Variants in RYR3 observed in about 807,000 individuals in gnomAD.
The protein encoded by RYR3 is ryanodine receptor 3, also known as brain ryanodine receptor-calcium release channel.
In RYR3, 207 loss-of-function variants were observed where a neutral mutation model predicts 584.3. That is an observed-to-expected ratio of 0.35 (90% confidence interval 0.32 to 0.40). The LOEUF (loss-of-function observed/expected upper bound fraction) is 0.40. Among genes scored for constraint, RYR3 ranks in the 10% least tolerant of loss-of-function variants. The pLI is 1.00. For missense variants in RYR3, 5,616 were observed against 6,089.2 expected (o/e 0.92, Z 2.59); for synonymous variants, 2,416 against 2,248.5 (o/e 1.07, Z -2.11).
chr15:33,323,074 C>T (rs1001290826), intron 1 of RYR3, among the ~76,000 whole-genome samples: 2 of 151,502 alleles, frequency 1.3e-5, no homozygotes, highest in Admixed American at 1.3e-4. Flanking sequence ...GGCATATTTT[C>T]TCTTCCGTGC....
chr15:33,655,619 C>T (rs2062782823), intron 32 of RYR3, among the ~76,000 whole-genome samples: 1 of 152,064 alleles, frequency 6.6e-6, no homozygotes. Flanking sequence ...AGCCTTCCTC[C>T]ACCCTGTGCA....
Position 33,317,380 on chromosome 15 carries a change from G to C in RYR3, c.51+6284G>C, listed in dbSNP as rs149406484. 7.5e-4 allele frequency among the ~76,000 whole-genome samples: 115 copies of C among 152,336 alleles called. 1 individual carries two copies. The highest frequency in any genetic ancestry group is 3.4e-3 in the Middle Eastern group (1 of 294). On this transcript the variant is annotated intron_variant, in intron 1 of 103. Coordinates refer to ENST00000634891, the MANE Select transcript of RYR3 (RefSeq NM_001036.6). Reference sequence around the variant, plus strand: ...GCTTCTAGGGTGGAGAGCCCAGCCAGTGGTGAGGCTGTAGGGCCACAGTTC... The same window carrying C: ...GCTTCTAGGGTGGAGAGCCCAGCCACTGGTGAGGCTGTAGGGCCACAGTTC...
chr15:33,816,856 G>A lies in RYR3; in HGVS notation c.10503-6G>A, dbSNP rs183717988. On this transcript the variant is annotated splice_polypyrimidine_tract_variant and splice_region_variant and intron_variant, in intron 74 of 103. Transcript: ENST00000634891. ...TCTTGACCTCCCTCTCACCCCTTCC[G>A]CTCAGGCACCGCTCTATTAACCTCT... is the stretch of plus-strand genomic sequence containing the variant. 1.2e-4 allele frequency: 187 copies of A among 1,604,266 alleles called. 1 individual carries two copies. Among genetic ancestry groups the A allele is most frequent in the East Asian group, 6.0e-4 (27 of 44,746 alleles).
chr15:33,578,577 G>A (rs2058420015), intron 12 of RYR3, among the ~76,000 whole-genome samples: 1 of 152,028 alleles, frequency 6.6e-6, no homozygotes, highest in African/African-American at 2.4e-5. Flanking sequence ...TGGACACAGG[G>A]AGGGGAACAA....
chr15:33,352,536 A>G (rs145518522), intron 1 of RYR3, among the ~76,000 whole-genome samples: 1 of 152,258 alleles, frequency 6.6e-6, no homozygotes, highest in Admixed American at 6.5e-5. Context: ...GATAGAAGCA[A>G]TGAGGAGGTG....
intron 12 of RYR3, among the ~76,000 whole-genome samples, 162 bp from the exon 13 acceptor site, chr15:33,579,814 G>A (rs748275347): frequency 6.6e-6 from 1 of 152,160 alleles, no homozygotes; most frequent in Non-Finnish European, 1.5e-5. Flanking sequence ...CTGTTGCTCT[G>A]ATATCTGGGA....
chr15:33,500,021 C>T (rs549651293), intron 2 of RYR3, among the ~76,000 whole-genome samples: 1 of 152,290 alleles, frequency 6.6e-6, no homozygotes, highest in South Asian at 2.1e-4. Context: ...CCATAATCAG[C>T]ACCACACTCC....
intron 102 of RYR3, 107 bp from the exon 103 acceptor site, chr15:33,864,031 G>C (rs1259371093): frequency 5.5e-6 from 4 of 729,304 alleles, no homozygotes; most frequent in East Asian, 5.4e-5. Flanking sequence ...AGTCACTGTA[G>C]ATAGCGTGGG....
intron 64 of RYR3, among the ~76,000 whole-genome samples, chr15:33,775,057 A>G (rs964224137): frequency 2.6e-5 from 4 of 151,804 alleles, no homozygotes; most frequent in Non-Finnish European, 4.4e-5. Context: ...CAAAAAGTCA[A>G]CTCTGAAGTG....
chr15:33,642,171 G>C (rs185819719), intron 27 of RYR3, among the ~76,000 whole-genome samples: 11 of 152,260 alleles, frequency 7.2e-5, no homozygotes, highest in Non-Finnish European at 1.2e-4. Context: ...CCCTTACATT[G>C]TCATTGGGTC....
At chr15:33,326,269 G>A (rs1280597772) in intron 1 of RYR3, among the ~76,000 whole-genome samples, 1 of 152,146 alleles carries the variant, frequency 6.6e-6, no homozygotes, top group Admixed American at 6.6e-5. Context: ...GAACTGAGAT[G>A]CTATCCCCTT....
chr15:33,379,687 C>CTCTCTCTCTCTCTCTATATA, intron 1 of RYR3, among the ~76,000 whole-genome samples: 16 of 125,496 alleles, frequency 1.3e-4, no homozygotes, highest in African/African-American at 5.3e-4. Context: ...CTCTCTCTCT[C>CTCTCTCTCTCTCTCTATATA]TATATATATA....
At chr15:33,388,473 A>G (rs753038004) in intron 1 of RYR3, among the ~76,000 whole-genome samples, 1 of 152,182 alleles carries the variant, frequency 6.6e-6, no homozygotes, top group African/African-American at 2.4e-5. Context: ...GAGGTATCAG[A>G]GAGTAGGGAT....
intron 1 of RYR3, among the ~76,000 whole-genome samples, chr15:33,444,710 G>A (rs1310836142): frequency 6.6e-6 from 1 of 152,176 alleles, no homozygotes; most frequent in Non-Finnish European, 1.5e-5. Context: ...CACCCACACA[G>A]CAAAGCTGGC....
chr15:33,362,636 C>G (rs1473417887), intron 1 of RYR3, among the ~76,000 whole-genome samples: 1 of 152,232 alleles, frequency 6.6e-6, no homozygotes. Context: ...TCAGTCTCAG[C>G]TTTTCCTTTC....
At chr15:33,552,246 G>A (rs1015826829) in intron 10 of RYR3, among the ~76,000 whole-genome samples, 9 of 152,164 alleles carry the variant, frequency 5.9e-5, no homozygotes, top group African/African-American at 2.2e-4. Flanking sequence ...GGTCAGCACT[G>A]TGCTGTGGTC....
At chr15:33,616,727 A>G (rs183241219) in intron 19 of RYR3, among the ~76,000 whole-genome samples, 1 of 152,324 alleles carries the variant, frequency 6.6e-6, no homozygotes, top group Admixed American at 6.5e-5. Context: ...CGGGGCTTGA[A>G]GTCACTCAAG....
At chr15:33,821,120 CTG>C (rs1020070706) in intron 78 of RYR3, 148 bp from the exon 79 acceptor site, 2 of 642,636 alleles carry the variant, frequency 3.1e-6, no homozygotes, top group African/African-American at 3.7e-5. Context: ...TGGCTAGTGT[CTG>C]GAAATAAACT....
At chr15:33,859,531 GA>G (rs2080111733) in intron 99 of RYR3, 43 bp from the exon 100 acceptor site, 1 of 1,608,826 alleles carries the variant, frequency 6.2e-7, no homozygotes, top group African/African-American at 1.3e-5. Flanking sequence ...GCTAAAAACA[GA>G]ACTGTGACTT....
Sources: allele counts gnomAD v4.1 joint callset (sites outside exome capture counted in the v4.1 genomes callset), GRCh38; gene constraint gnomAD v4.1.1; transcripts MANE v1.5; gene names NCBI Gene and HGNC (gene_info 2026-07-23, HGNC 2026-07-21).